Variants in XPO6 observed in about 807,000 individuals in gnomAD.
XPO6 encodes the protein exportin 6.
A neutral mutation model predicts 130.0 loss-of-function variants in XPO6; 3 were observed. The ratio of observed to expected loss-of-function variants is 0.02; its 90% CI spans 0.01 to 0.06. The LOEUF is 0.06. Among genes scored for constraint, XPO6 ranks in the 10% least tolerant of loss-of-function variants. XPO6 has a pLI of 1.00. For missense variants in XPO6, 970 were observed against 1,393.0 expected (o/e 0.70, Z 4.83); for synonymous variants, 524 against 548.9 (o/e 0.95, Z 0.63).
intron 13 of XPO6, among the ~76,000 whole-genome samples, chr16:28,123,075 C>T (rs1420097658): frequency 6.6e-6 from 1 of 152,054 alleles, no homozygotes; most frequent in African/African-American, 2.4e-5. Flanking sequence ...TGGGAAATGC[C>T]TCTTTCATTA....
At chr16:28,104,439 G>T in intron 21 of XPO6, 107 bp downstream of exon 21, 1 of 1,369,808 alleles carries the variant, frequency 7.3e-7, no homozygotes, top group East Asian at 2.3e-5. Context: ...AATACTAACA[G>T]GCAGAACTGA....
chr16:28,152,267 T>C (rs184943074), intron 8 of XPO6, among the ~76,000 whole-genome samples: 174 of 152,368 alleles, frequency 1.1e-3, no homozygotes, highest in African/African-American at 4.0e-3. Context: ...AGCTTCACTA[T>C]ATATAATCTT....
chr16:28,201,420 G>A (rs747770178), intron 1 of XPO6, among the ~76,000 whole-genome samples: 10 of 152,102 alleles, frequency 6.6e-5, no homozygotes, highest in Admixed American at 3.3e-4. Context: ...AGAGTAAGAC[G>A]CACTCTGCTA....
At chr16:28,158,388 G>A (rs2043216359) in intron 6 of XPO6, among the ~76,000 whole-genome samples, 1 of 152,196 alleles carries the variant, frequency 6.6e-6, no homozygotes, top group Admixed American at 6.5e-5. Flanking sequence ...TGCAGAAGCT[G>A]CCTTTCACTA....
chr16:28,148,415 GAT>G (rs1351593826), intron 8 of XPO6, among the ~76,000 whole-genome samples: 1 of 152,164 alleles, frequency 6.6e-6, no homozygotes, highest in Non-Finnish European at 1.5e-5. Flanking sequence ...TCATCAAGAT[GAT>G]GGGCTGGCTC....
At position 28,122,679 on chromosome 16, in the gene XPO6, T is replaced by A. The variant is rs568305281; in HGVS notation, c.1767-917A>T. On this transcript the variant is annotated intron_variant, in intron 13 of 23. Coordinates refer to ENST00000304658, the MANE Select transcript of XPO6 (RefSeq NM_015171.4). ...CTGCTCTTTTGGCAGTTTATCGAAA[T>A]AGGATGACGTGGGCTTTTCTATAAA... is the stretch of plus-strand genomic sequence containing the variant. Among the ~76,000 whole-genome samples, 4 of 152,144 alleles carry A rather than the reference T, an allele frequency of 2.6e-5. No homozygotes were observed. In the East Asian group the frequency reaches 5.8e-4, roughly 22 times the overall value.
chr16:28,190,205 G>A (rs972153965), intron 1 of XPO6, among the ~76,000 whole-genome samples: 1 of 151,306 alleles, frequency 6.6e-6, no homozygotes, highest in African/African-American at 2.4e-5. Flanking sequence ...ATGGAGAGGT[G>A]CACCAGTTTC....
chr16:28,180,974 C>T lies in XPO6; in HGVS notation c.61G>A (p.Asp21Asn), dbSNP rs763488758. Residue 21 changes from aspartate to asparagine, a missense_variant, in exon 2 of 24, where the codon GAT becomes AAT. By Grantham distance (23) the Asp-to-Asn change is conservative. Around this residue, in one of 4 missense-constraint regions of XPO6, gnomAD observed 21 missense variants for 34.8 expected, o/e 0.60. Coordinates refer to ENST00000304658, the MANE Select transcript of XPO6 (RefSeq NM_015171.4). ...LESLMTEFFH[D>N]CTTNERKREI... ...CGTTTTCTTTCATTGGTTGTACAAT[C>T]GTGAAAAAATTCTGTCATCAGACTT... 1.2e-5 allele frequency: 19 copies of T among 1,613,526 alleles called. No homozygotes were observed. The East Asian group carries it at 3.3e-4, about 28-fold the overall frequency.
At chr16:28,135,014 A>G (rs2042747905) in intron 10 of XPO6, among the ~76,000 whole-genome samples, 1 of 152,208 alleles carries the variant, frequency 6.6e-6, no homozygotes, top group Non-Finnish European at 1.5e-5. Context: ...ATAGATAAAA[A>G]AGCCTGTAAA....
chr16:28,188,536 T>C (rs146847108), intron 1 of XPO6, among the ~76,000 whole-genome samples: 1 of 152,080 alleles, frequency 6.6e-6, no homozygotes, highest in East Asian at 1.9e-4. Flanking sequence ...GCAAAACATA[T>C]CCGGTGTGTT....
intron 1 of XPO6, among the ~76,000 whole-genome samples, chr16:28,197,914 TA>T (rs56896819): frequency 0.039 from 1,781 of 45,708 alleles, 65 homozygotes; most frequent in South Asian, 0.21. Flanking sequence ...GAGAGACTCT[TA>T]AAAAAAAAAA....
chr16:28,142,394 T>C lies in XPO6; in HGVS notation c.1334+3700A>G, dbSNP rs142708892. Among the ~76,000 whole-genome samples, 660 of 152,258 alleles carry C rather than the reference T, an allele frequency of 4.3e-3. 3 individuals carry two copies. Among genetic ancestry groups the C allele is most frequent in the African/African-American group, 0.015 (626 of 41,544 alleles). ...TGAATGTTAAGGGTTACAGAAAAAA[T>C]TATAAGCTGAAGTTGAAATATTTTC... On this transcript the variant is annotated intron_variant, in intron 9 of 23. Transcript: ENST00000304658.
chr16:28,179,576 A>C (rs1360379290), intron 2 of XPO6, among the ~76,000 whole-genome samples: 1 of 152,120 alleles, frequency 6.6e-6, no homozygotes, highest in Non-Finnish European at 1.5e-5. Context: ...CCTCCACTCT[A>C]CAATGACCAC....
At chr16:28,140,635 G>A (rs917784483) in intron 9 of XPO6, among the ~76,000 whole-genome samples, 6 of 147,862 alleles carry the variant, frequency 4.1e-5, no homozygotes, top group Non-Finnish European at 7.4e-5. Context: ...CCAAGATCAC[G>A]CCACTGCACT....
intron 6 of XPO6, among the ~76,000 whole-genome samples, chr16:28,158,648 C>T (rs1302478600): frequency 6.6e-6 from 1 of 152,098 alleles, no homozygotes; most frequent in Non-Finnish European, 1.5e-5. Context: ...CAAGGGACCC[C>T]AAGACCCAAA....
At chr16:28,168,897 G>T (rs2043404838) in intron 5 of XPO6, among the ~76,000 whole-genome samples, 1 of 151,906 alleles carries the variant, frequency 6.6e-6, no homozygotes, top group African/African-American at 2.4e-5. Context: ...TTACAGGTGT[G>T]AGCCATTGCA....
At chr16:28,171,714 T>C (rs182280329) in intron 4 of XPO6, among the ~76,000 whole-genome samples, 116 of 152,294 alleles carry the variant, frequency 7.6e-4, no homozygotes, top group Non-Finnish European at 1.1e-3. Flanking sequence ...TCCACAATTT[T>C]TATCTTCGTT....
At chr16:28,141,728 A>G (rs1267172823) in intron 9 of XPO6, among the ~76,000 whole-genome samples, 1 of 152,222 alleles carries the variant, frequency 6.6e-6, no homozygotes. Context: ...TGGGAGGCCG[A>G]GGCGGGTGGA....
chr16:28,151,516 CTG>C (rs1318977389), intron 8 of XPO6, among the ~76,000 whole-genome samples: 1 of 152,102 alleles, frequency 6.6e-6, no homozygotes, highest in Non-Finnish European at 1.5e-5. Context: ...CGAAACTAGT[CTG>C]TGGTATTAAG....
Sources: allele counts gnomAD v4.1 joint callset (sites outside exome capture counted in the v4.1 genomes callset), GRCh38; gene constraint gnomAD v4.1.1; regional missense constraint gnomAD v4.1.1; transcripts MANE v1.5; gene names NCBI Gene and HGNC (gene_info 2026-07-23, HGNC 2026-07-21).